Variants in AUTS2 observed in about 807,000 individuals in gnomAD.
AUTS2 encodes the protein activator of transcription and developmental regulator AUTS2.
AUTS2 carries 17 observed loss-of-function variants against 112.4 expected under a neutral mutation model. The observed-to-expected ratio is 0.15, with a 90% CI of 0.10 to 0.23. The LOEUF (loss-of-function observed/expected upper bound fraction) is 0.23, where lower values mean the gene tolerates loss of function less well. Among genes scored for constraint, AUTS2 ranks in the 10% least tolerant of loss-of-function variants. The pLI, the probability that AUTS2 is intolerant of heterozygous loss-of-function variation, is 1.00. For missense variants in AUTS2, 1,510 were observed against 1,701.6 expected, an observed-to-expected ratio of 0.89 and a Z score of 1.98; for synonymous variants, 751 against 702.7, an observed-to-expected ratio of 1.07 and a Z score of -1.09.
At chr7:69,947,077 A>G (rs1160252288) in intron 2 of AUTS2, among the ~76,000 whole-genome samples, 1 of 152,200 alleles carries the variant, frequency 6.6e-6, no homozygotes, top group Non-Finnish European at 1.5e-5. Flanking sequence ...TGTTGTCGTT[A>G]CAGATGCTCC....
intron 1 of AUTS2, among the ~76,000 whole-genome samples, chr7:69,702,115 A>T (rs144031816): frequency 1.1e-4 from 16 of 152,332 alleles, no homozygotes; most frequent in Admixed American, 4.6e-4. Context: ...TGGTGCTGGA[A>T]GCAGCTCAAT....
chr7:69,748,999 C>A (rs1364237998), intron 1 of AUTS2, among the ~76,000 whole-genome samples: 1 of 152,092 alleles, frequency 6.6e-6, no homozygotes, highest in Non-Finnish European at 1.5e-5. Context: ...TGGACTTGGA[C>A]ACAGATACTT....
intron 4 of AUTS2, among the ~76,000 whole-genome samples, chr7:70,258,567 T>C (rs946893475): frequency 2.0e-5 from 3 of 152,196 alleles, no homozygotes; most frequent in Admixed American, 1.3e-4. Context: ...AAGGGACTCA[T>C]TGGGCCACCT....
At chr7:70,580,796 G>T (rs1395630040) in intron 5 of AUTS2, among the ~76,000 whole-genome samples, 1 of 152,226 alleles carries the variant, frequency 6.6e-6, no homozygotes, top group African/African-American at 2.4e-5. Context: ...GTTTTACGTT[G>T]TGTTTAACAG....
chr7:70,113,213 A>C (rs1042677016), intron 2 of AUTS2, among the ~76,000 whole-genome samples: 1 of 152,108 alleles, frequency 6.6e-6, no homozygotes, highest in Non-Finnish European at 1.5e-5. Context: ...TTTTTAAAAA[A>C]TAGTTTTTCT....
chr7:70,606,338 A>ATTT (rs1563071921), intron 5 of AUTS2, among the ~76,000 whole-genome samples: 4 of 73,710 alleles, frequency 5.4e-5, no homozygotes, highest in South Asian at 2.9e-4. Context: ...CTTAAAAGTT[A>ATTT]ATATTTGTAT....
At chr7:70,330,699 T>A (rs1474517811) in intron 4 of AUTS2, among the ~76,000 whole-genome samples, 3 of 152,262 alleles carry the variant, frequency 2.0e-5, no homozygotes, top group African/African-American at 4.8e-5. Flanking sequence ...GCATTGGATC[T>A]GTACATTACC....
At chr7:70,336,087 A>G (rs1326170048) in intron 4 of AUTS2, among the ~76,000 whole-genome samples, 2 of 152,248 alleles carry the variant, frequency 1.3e-5, no homozygotes, top group African/African-American at 4.8e-5. Flanking sequence ...CTTTCTTTCT[A>G]AAAAGATGAT....
At chr7:70,777,243 A>G in intron 14 of AUTS2, 69 bp downstream of exon 14, 3 of 1,415,840 alleles carry the variant, frequency 2.1e-6, no homozygotes, top group Admixed American at 1.7e-5. Context: ...GCTCGGGAGA[A>G]CCTGATGAAG....
chr7:70,066,539 ATTTTT>A (rs71068013), intron 2 of AUTS2, among the ~76,000 whole-genome samples: 1 of 137,838 alleles, frequency 7.3e-6, no homozygotes, highest in Non-Finnish European at 1.5e-5. Flanking sequence ...TACCCAGTAA[ATTTTT>A]TTTTTTTTTT....
chr7:69,909,980 T>C (rs1795290204), intron 2 of AUTS2, among the ~76,000 whole-genome samples: 1 of 152,152 alleles, frequency 6.6e-6, no homozygotes, highest in Non-Finnish European at 1.5e-5. Context: ...AAAAGCAGTT[T>C]TGAAATACAA....
At chr7:70,700,154 C>G (rs113216418) in intron 6 of AUTS2, among the ~76,000 whole-genome samples, 119 of 152,286 alleles carry the variant, frequency 7.8e-4, no homozygotes, top group African/African-American at 1.1e-3. Flanking sequence ...TCTTTCCCCC[C>G]CTTTTTTTCC....
At chr7:70,307,820 A>T (rs532446458) in intron 4 of AUTS2, among the ~76,000 whole-genome samples, 1 of 152,284 alleles carries the variant, frequency 6.6e-6, no homozygotes, top group African/African-American at 2.4e-5. Flanking sequence ...AAAATATAGG[A>T]TATAACCTTA....
intron 4 of AUTS2, among the ~76,000 whole-genome samples, chr7:70,431,228 C>T (rs950205415): frequency 3.3e-5 from 5 of 152,034 alleles, no homozygotes; most frequent in Admixed American, 6.5e-5. Flanking sequence ...AAGCAGGTTC[C>T]AAAATGGTAG....
At chr7:69,989,708 T>C (rs1163936423) in intron 2 of AUTS2, among the ~76,000 whole-genome samples, 1 of 152,156 alleles carries the variant, frequency 6.6e-6, no homozygotes, top group Non-Finnish European at 1.5e-5. Flanking sequence ...AGAGTACATC[T>C]GTTTTCCCTA....
intron 2 of AUTS2, among the ~76,000 whole-genome samples, chr7:70,112,073 A>G (rs1319998391): frequency 6.6e-6 from 1 of 151,876 alleles, no homozygotes; most frequent in Non-Finnish European, 1.5e-5. Flanking sequence ...TAATTAGGCC[A>G]TTTATTTCTA....
chr7:69,707,293 A>C (rs1798104091), intron 1 of AUTS2, among the ~76,000 whole-genome samples: 1 of 152,164 alleles, frequency 6.6e-6, no homozygotes, highest in South Asian at 2.1e-4. Context: ...TCATAGGTTA[A>C]ATTGTGATGT....
chr7:69,814,777 A>G (rs1451563685), intron 1 of AUTS2, among the ~76,000 whole-genome samples: 1 of 152,190 alleles, frequency 6.6e-6, no homozygotes, highest in Non-Finnish European at 1.5e-5. Flanking sequence ...CACGCTGGAG[A>G]TGTCTGGGGG....
chr7:69,766,510 T>C (rs1788426626), intron 1 of AUTS2, among the ~76,000 whole-genome samples: 1 of 152,238 alleles, frequency 6.6e-6, no homozygotes, highest in Non-Finnish European at 1.5e-5. Context: ...TTTATTTTTT[T>C]GAGAAACTAC....
Sources: allele counts gnomAD v4.1 joint callset (sites outside exome capture counted in the v4.1 genomes callset), GRCh38; gene constraint gnomAD v4.1.1; transcripts MANE v1.5; gene names NCBI Gene and HGNC (gene_info 2026-07-23, HGNC 2026-07-21).